Variants in PCCA observed in about 807,000 individuals in gnomAD.
The protein encoded by PCCA is propionyl-CoA carboxylase subunit alpha.
In PCCA, 74 loss-of-function variants were observed where a neutral mutation model predicts 101.3. The observed-to-expected ratio is 0.73, with a 90% CI of 0.61 to 0.89. The LOEUF is 0.89. Among genes scored for constraint, PCCA ranks in the 40% least tolerant of loss-of-function variants. PCCA has a pLI of 0.00. For missense variants in PCCA, 891 were observed against 907.0 expected, an observed-to-expected ratio of 0.98 and a Z score of 0.23; for synonymous variants, 294 against 313.6, an observed-to-expected ratio of 0.94 and a Z score of 0.66.
intron 19 of PCCA, among the ~76,000 whole-genome samples, chr13:100,419,471 CA>C (rs56795912): frequency 0.3 from 33,516 of 112,678 alleles, 6,168 homozygotes; most frequent in African/African-American, 0.57. Context: ...GACTTTGTCT[CA>C]AAAAAAAAAA....
intron 12 of PCCA, among the ~76,000 whole-genome samples, chr13:100,273,655 A>G (rs895199059): frequency 2.6e-5 from 4 of 152,172 alleles, no homozygotes; most frequent in East Asian, 3.9e-4. Context: ...ATTACTCTAG[A>G]TATTACAAAT....
chr13:100,434,804 T>C (rs2079810364), intron 20 of PCCA, among the ~76,000 whole-genome samples: 1 of 152,250 alleles, frequency 6.6e-6, no homozygotes, highest in Non-Finnish European at 1.5e-5. Flanking sequence ...AGAATTCGCA[T>C]GAATAAGTGA....
rs926801598 is a variant in PCCA, at chr13:100,315,191, AT to A, written c.1429+5290del. Among the ~76,000 whole-genome samples the A allele has an allele frequency of 2.2e-3, 334 of 152,196 alleles. 3 individuals are homozygous for A. The highest frequency in any genetic ancestry group is 7.7e-3 in the African/African-American group (321 of 41,554). On this transcript the variant is annotated intron_variant, in intron 16 of 23. Coordinates refer to ENST00000376285, the MANE Select transcript of PCCA (RefSeq NM_000282.4). ...TCCATATATAGTAATTCTGCTTACT[AT>A]TTTTTTGAAATTTTTTTAAATTTTG...
At chr13:100,130,900 C>A (rs1319307251) in intron 4 of PCCA, among the ~76,000 whole-genome samples, 5 of 152,060 alleles carry the variant, frequency 3.3e-5, no homozygotes, top group African/African-American at 1.2e-4. Context: ...TGTAATTTTT[C>A]TTTTCAGTAA....
intron 1 of PCCA, 40 bp downstream of exon 1, chr13:100,089,265 G>A (rs1566436847): frequency 7.0e-7 from 1 of 1,437,928 alleles, no homozygotes; most frequent in Non-Finnish European, 9.1e-7. Context: ...GGCTTCACTG[G>A]GCTTCTAGCC....
intron 12 of PCCA, among the ~76,000 whole-genome samples, chr13:100,276,213 CAAAAAAA>C (rs59671834): frequency 0.014 from 1,470 of 101,954 alleles, 31 homozygotes; most frequent in African/African-American, 0.066. Flanking sequence ...TTGTCTGTAC[CAAAAAAA>C]AAAAAAAAAA....
chr13:100,506,831 C>T (rs931333927), intron 21 of PCCA, among the ~76,000 whole-genome samples: 5 of 152,154 alleles, frequency 3.3e-5, no homozygotes, highest in African/African-American at 1.2e-4. Context: ...TTCCTCACCG[C>T]GGTGCTTATC....
chr13:100,129,633 T>C (rs937844030), intron 4 of PCCA, among the ~76,000 whole-genome samples: 2 of 152,222 alleles, frequency 1.3e-5, no homozygotes, highest in African/African-American at 4.8e-5. Flanking sequence ...TTTGGACACA[T>C]GGCAGATTAG....
At position 100,479,543 on chromosome 13, in the gene PCCA, A is replaced by G. The variant is rs1410058575; in HGVS notation, c.1899+30238A>G. The G allele has an allele frequency of 2.0e-5, 3 of 152,238 alleles. No homozygotes were observed. The East Asian group carries it at 5.8e-4, about 29-fold the overall frequency. The allele number at this position is 152,238 out of a possible 1,614,324, so 9.4% of individuals were successfully genotyped here. A position where few individuals can be genotyped will look rare whatever the true frequency, so the allele number is the denominator to read the frequency against. On this transcript the variant is annotated intron_variant, in intron 21 of 23. Coordinates refer to ENST00000376285, the MANE Select transcript of PCCA (RefSeq NM_000282.4). ...TCCTGCAATAAAGTAAGCTAGAGAA[A>G]GTGTTAGGAAAATCATAACGACAAA...
At chr13:100,281,064 C>T (rs180967539) in intron 12 of PCCA, among the ~76,000 whole-genome samples, 38 of 152,272 alleles carry the variant, frequency 2.5e-4, no homozygotes, top group African/African-American at 9.1e-4. Context: ...CTGTATGATA[C>T]CTCAGTGCTT....
intron 19 of PCCA, among the ~76,000 whole-genome samples, chr13:100,387,668 C>T (rs553444489): frequency 1.4e-4 from 22 of 152,288 alleles, no homozygotes; most frequent in African/African-American, 5.3e-4. Context: ...GAAGAGTAAC[C>T]TTGCACAGCT....
chr13:100,105,674 A>C (rs542616131), intron 2 of PCCA, among the ~76,000 whole-genome samples: 2 of 149,386 alleles, frequency 1.3e-5, no homozygotes, highest in Admixed American at 6.7e-5. Context: ...AAAAAAAAAA[A>C]AAAAACACCC....
At chr13:100,425,024 C>T (rs933101443) in intron 19 of PCCA, among the ~76,000 whole-genome samples, 3 of 151,832 alleles carry the variant, frequency 2.0e-5, no homozygotes. Flanking sequence ...TTTTCTTTTA[C>T]GAGTATCCCT....
chr13:100,337,606 G>A (rs2070699980), intron 17 of PCCA, among the ~76,000 whole-genome samples: 1 of 152,202 alleles, frequency 6.6e-6, no homozygotes, highest in South Asian at 2.1e-4. Context: ...TAAAATGCTT[G>A]AAGTTGATGT....
chr13:100,456,131 C>T (rs909268350), intron 21 of PCCA, among the ~76,000 whole-genome samples: 5 of 152,156 alleles, frequency 3.3e-5, no homozygotes, highest in African/African-American at 1.2e-4. Flanking sequence ...TTTCAATTTG[C>T]TTTATCCTGA....
chr13:100,309,006 T>C (rs2066690534), intron 15 of PCCA, among the ~76,000 whole-genome samples: 1 of 152,346 alleles, frequency 6.6e-6, no homozygotes, highest in East Asian at 1.9e-4. Context: ...TTTGCTTCTG[T>C]GTATATTATA....
chr13:100,151,383 G>C (rs574137712), intron 4 of PCCA, among the ~76,000 whole-genome samples: 1 of 152,246 alleles, frequency 6.6e-6, no homozygotes, highest in Admixed American at 6.5e-5. Flanking sequence ...CCTGAGGTCG[G>C]GAGTTCGAGA....
At chr13:100,349,395 G>A (rs902056658) in intron 18 of PCCA, among the ~76,000 whole-genome samples, 7 of 152,178 alleles carry the variant, frequency 4.6e-5, no homozygotes, top group Non-Finnish European at 7.4e-5. Flanking sequence ...CCAAAGTGCT[G>A]GGATTACAGG....
At chr13:100,528,466 G>A (rs2153009105) in intron 23 of PCCA, among the ~76,000 whole-genome samples, 1 of 152,332 alleles carries the variant, frequency 6.6e-6, no homozygotes, top group African/African-American at 2.4e-5. Context: ...GCCATGCCTT[G>A]GGGACATCAG....
Sources: gnomAD v4.1 joint callset for allele counts (sites outside exome capture counted in the v4.1 genomes callset) on GRCh38, gnomAD v4.1.1 for gene constraint, MANE v1.5 for transcripts, NCBI Gene and HGNC (gene_info 2026-07-23, HGNC 2026-07-21) for gene names.